CPPED1: variants seen among roughly 807,000 people sequenced by gnomAD.
CPPED1 encodes the protein serine/threonine-protein phosphatase CPPED1.
CPPED1 carries 28 observed loss-of-function variants against 28.0 expected under a neutral mutation model. The observed-to-expected ratio is 1.00, with a 90% confidence interval of 0.74 to 1.37. The LOEUF is 1.37. Among genes scored for constraint, CPPED1 ranks in the 40% most tolerant of loss-of-function variants. The probability of loss-of-function intolerance (pLI) is 0.00; values close to 1 mark genes in which losing one functional copy is unlikely to be tolerated. For missense variants in CPPED1, 504 were observed against 416.5 expected (o/e 1.21, Z -1.83); for synonymous variants, 198 against 180.2 (o/e 1.10, Z -0.79).
intron 3 of CPPED1, among the ~76,000 whole-genome samples, chr16:12,668,145 A>G (rs962503092): frequency 6.6e-6 from 1 of 152,226 alleles, no homozygotes; most frequent in African/African-American, 2.4e-5. Context: ...GGCAAAAAAA[A>G]GACATGTTTG....
intron 2 of CPPED1, among the ~76,000 whole-genome samples, chr16:12,721,850 A>T (rs528806635): frequency 6.6e-6 from 1 of 152,286 alleles, no homozygotes; most frequent in East Asian, 1.9e-4. Flanking sequence ...ACTAGCAAAT[A>T]ATTTTTAAAA....
chr16:12,767,555 C>T (rs771465216), intron 2 of CPPED1, among the ~76,000 whole-genome samples: 1 of 151,880 alleles, frequency 6.6e-6, no homozygotes, highest in South Asian at 2.1e-4. Flanking sequence ...AGCATCATCA[C>T]GACCTCAAGC....
intron 2 of CPPED1, among the ~76,000 whole-genome samples, chr16:12,723,301 G>A (rs2080152053): frequency 6.6e-6 from 1 of 152,178 alleles, no homozygotes. Flanking sequence ...CAATGGGCAG[G>A]ATATGCCTGT....
Position 12,803,633 on chromosome 16 carries a change from C to T in CPPED1, c.70+74G>A, listed in dbSNP as rs904696310. 128 of 1,303,648 alleles carry T rather than the reference C, an allele frequency of 9.8e-5. No individual in the cohort carries two copies. In the African/African-American group the frequency reaches 1.9e-3, roughly 19 times the overall value. The allele number at this position is 1,303,648 out of a possible 1,614,324, so 80.8% of individuals were successfully genotyped here. A position where few individuals can be genotyped will look rare whatever the true frequency, so the allele number is the denominator to read the frequency against. ...GGTGTCCGACTGGCGGAGCGCACAC[C>T]TGAACAAAAGGTTCCCCCGGCGGAA... is the stretch of plus-strand genomic sequence containing the variant. On this transcript the variant is annotated intron_variant, in intron 1 of 3. Transcript: ENST00000381774.
At chr16:12,683,178 T>A (rs2079914711) in intron 3 of CPPED1, among the ~76,000 whole-genome samples, 1 of 152,158 alleles carries the variant, frequency 6.6e-6, no homozygotes, top group Non-Finnish European at 1.5e-5. Context: ...CTTGGGTAAG[T>A]GAGATTCCGT....
At chr16:12,728,216 C>T (rs2080179349) in intron 2 of CPPED1, among the ~76,000 whole-genome samples, 2 of 151,958 alleles carry the variant, frequency 1.3e-5, no homozygotes, top group East Asian at 3.9e-4. Flanking sequence ...TAGCAATGAT[C>T]ATAAGGGAAT....
intron 2 of CPPED1, among the ~76,000 whole-genome samples, chr16:12,778,357 C>A (rs7501005): frequency 0.22 from 33,369 of 148,714 alleles, 4,140 homozygotes; most frequent in East Asian, 0.29. Context: ...CTCATTGCAA[C>A]CTCCACCTCC....
At chr16:12,736,745 C>T (rs926575576) in intron 2 of CPPED1, among the ~76,000 whole-genome samples, 1 of 152,214 alleles carries the variant, frequency 6.6e-6, no homozygotes, top group Non-Finnish European at 1.5e-5. Context: ...ACAAAAGTGT[C>T]TGCCTTCATG....
Position 12,662,661 on chromosome 16 carries a change from T to G in CPPED1, c.*2225A>C, listed in dbSNP as rs1007883511. The G allele has an allele frequency of 6.6e-6, 1 of 152,252 alleles. No homozygotes were observed. The highest frequency in any genetic ancestry group is 2.4e-5 in the African/African-American group (1 of 41,470). 9.4% of individuals were successfully genotyped at this position (152,252 alleles called of 1,614,324 possible). A position where few individuals can be genotyped will look rare whatever the true frequency, so the allele number is the denominator to read the frequency against. The stretch of plus-strand genomic sequence containing the variant: ...ACTTTCTACTTCTAAGTTATTTCAC[T>G]TAAGATAACAGCCTCCAGTTCCATC... On this transcript the variant is annotated 3_prime_UTR_variant, in exon 4 of 4. Transcript: ENST00000381774.
At chr16:12,799,395 G>T (rs1329077455) in intron 1 of CPPED1, among the ~76,000 whole-genome samples, 3 of 152,018 alleles carry the variant, frequency 2.0e-5, no homozygotes, top group Admixed American at 6.6e-5. Flanking sequence ...ACAGGTGCCT[G>T]CCACCACACC....
At chr16:12,672,342 C>T (rs779029607) in intron 3 of CPPED1, among the ~76,000 whole-genome samples, 28 of 152,172 alleles carry the variant, frequency 1.8e-4, no homozygotes, top group Non-Finnish European at 3.2e-4. Flanking sequence ...CCGGGCTGTA[C>T]CTGTGGACAT....
chr16:12,768,664 G>T (rs79378978), intron 2 of CPPED1, among the ~76,000 whole-genome samples: 1 of 152,254 alleles, frequency 6.6e-6, no homozygotes, highest in African/African-American at 2.4e-5. Flanking sequence ...TGTGAACTTC[G>T]ATGGGAGGAA....
At chr16:12,690,898 C>T (rs2079959164) in intron 3 of CPPED1, among the ~76,000 whole-genome samples, 1 of 152,196 alleles carries the variant, frequency 6.6e-6, no homozygotes, top group Non-Finnish European at 1.5e-5. Context: ...GTTGCAGCAC[C>T]AGCTCCTTTC....
chr16:12,767,153 C>T (rs896739513), intron 2 of CPPED1, among the ~76,000 whole-genome samples: 2 of 151,978 alleles, frequency 1.3e-5, no homozygotes, highest in East Asian at 3.9e-4. Flanking sequence ...ATATGTAAGC[C>T]GGGGGTTTCA....
intron 1 of CPPED1, 31 bp downstream of exon 1, chr16:12,803,676 G>T: frequency 6.8e-7 from 1 of 1,473,046 alleles, no homozygotes; most frequent in Non-Finnish European, 9.0e-7. Context: ...CAGCCCCAGA[G>T]TCCCCTCCCC....
At chr16:12,747,935 G>A (rs2141215836) in intron 2 of CPPED1, among the ~76,000 whole-genome samples, 1 of 152,282 alleles carries the variant, frequency 6.6e-6, no homozygotes, top group Middle Eastern at 3.4e-3. Context: ...AAACCTAAAA[G>A]AGGAACACCA....
chr16:12,764,483 G>A (rs1307244900), intron 2 of CPPED1, among the ~76,000 whole-genome samples: 4 of 151,890 alleles, frequency 2.6e-5, no homozygotes, highest in Non-Finnish European at 5.9e-5. Context: ...GATTACAGGC[G>A]TGAGCCACCA....
In CPPED1 at chr16:12,781,420, G is replaced by GA; in HGVS notation, c.71-18_71-17insT. On this transcript the variant is annotated splice_polypyrimidine_tract_variant and intron_variant, in intron 1 of 3. Transcript: ENST00000381774. ...TTTCCTTTTCTTAAAAAAAGAGAGA[G>GA]GGAGAAAGAAGGAGAAATCTTGTAA... 6.2e-7 allele frequency: 1 copy of GA among 1,608,010 alleles called. No individual in the cohort carries two copies. Among genetic ancestry groups the GA allele is most frequent in the Non-Finnish European group, 8.5e-7 (1 of 1,176,110 alleles).
At chr16:12,744,289 AG>A (rs1596468052) in intron 2 of CPPED1, among the ~76,000 whole-genome samples, 5 of 133,810 alleles carry the variant, frequency 3.7e-5, no homozygotes, top group South Asian at 4.5e-4. Flanking sequence ...AGAGAGAGAG[AG>A]AGAGAGAAAG....
Sources: allele counts gnomAD v4.1 joint callset (sites outside exome capture counted in the v4.1 genomes callset), GRCh38; gene constraint gnomAD v4.1.1; transcripts MANE v1.5; gene names NCBI Gene and HGNC (gene_info 2026-07-23, HGNC 2026-07-21).